Variants in ZNF621 observed in about 807,000 individuals in gnomAD.
ZNF621 encodes zinc finger protein 621.
A neutral mutation model predicts 12.7 loss-of-function variants in ZNF621; 6 were observed. That is an observed-to-expected ratio of 0.47 (90% CI 0.26 to 0.93). ZNF621 has a LOEUF of 0.93. Among genes scored for constraint, ZNF621 ranks in the 40% least tolerant of loss-of-function variants. The pLI, the probability that ZNF621 is intolerant of heterozygous loss-of-function variation, is 0.15. For synonymous variants in ZNF621, 156 were observed against 190.3 expected (o/e 0.82, Z 1.48); for missense variants, 474 against 524.0 (o/e 0.90, Z 0.93).
chr3:40,533,064 C>T lies in ZNF621; in HGVS notation c.1294C>T (p.Leu432Phe), dbSNP rs547500856. ...CACTGTGAAACCTTCCCCAGTTATT[C>T]TCACCCCTTCTTCTCACTCCTCATG... is the stretch of plus-strand genomic sequence containing the variant. ...TPTVKPSPVI[L>F]TPSSHSS The change falls in exon 5 of 5, where the codon CTC (leucine) becomes TTC (phenylalanine). Residue 432 changes from leucine (L) to phenylalanine (F), a missense_variant. Leu to Phe is a conservative substitution (Grantham distance 22, BLOSUM62 0). Transcript: ENST00000339296. 2 of 1,551,682 alleles carry T rather than the reference C, an allele frequency of 1.3e-6. No individual in the cohort carries two copies. Among genetic ancestry groups the T allele is most frequent in the East Asian group, 2.4e-5 (1 of 40,922 alleles).
chr3:40,533,081 C>T lies in ZNF621; in HGVS notation c.1311C>T (p.His437=). The change falls in exon 5 of 5, where the codon CAC becomes CAT. Residue 437 remains histidine, a synonymous_variant. Transcript: ENST00000339296. ...CAGTTATTCTCACCCCTTCTTCTCA[C>T]TCCTCATGAGCTTTATCTTGGCAGT... ...PSPVILTPSS[H]SS 1 of 1,551,494 alleles carries T rather than the reference C, an allele frequency of 6.4e-7. No homozygotes were observed. The highest frequency in any genetic ancestry group is 2.0e-5 in the Admixed American group (1 of 51,000).
At chr3:40,525,598 C>T (rs1166932905) in intron 1 of ZNF621, 181 bp from the exon 2 acceptor site, 1 of 627,124 alleles carries the variant, frequency 1.6e-6, no homozygotes. Flanking sequence ...GAAGATTGTC[C>T]TGAAGACTAG....
rs1379005070 is a variant in ZNF621, at chr3:40,539,059, A to G, written c.*5969A>G. On this transcript the variant is annotated 3_prime_UTR_variant, in exon 5 of 5. Coordinates refer to ENST00000339296, the MANE Select transcript of ZNF621 (RefSeq NM_198484.5). ...ACAAAAGTGGTTTCTTGAGATGGAA[A>G]CTACTCCTGGTGAAGATCCTGTGAC... is the stretch of plus-strand genomic sequence containing the variant. 6.5e-6 allele frequency: 1 copy of G among 154,922 alleles called. No individual in the cohort carries two copies. The highest frequency in any genetic ancestry group is 2.4e-5 in the African/African-American group (1 of 41,510). 9.6% of individuals were successfully genotyped at this position (154,922 alleles called of 1,614,324 possible). A position where few individuals can be genotyped will look rare whatever the true frequency, so the allele number is the denominator to read the frequency against.
upstream of ZNF621, among the ~76,000 whole-genome samples, chr3:40,524,121 C>T (rs1217597960): frequency 6.6e-6 from 1 of 152,134 alleles, no homozygotes; most frequent in East Asian, 1.9e-4. Context: ...TTTTAATTAG[C>T]AGCCTCCCCT....
chr3:40,529,416 T>C lies in ZNF621; in HGVS notation c.122T>C (p.Leu41Pro), dbSNP rs1268581969. 2 of 1,613,446 alleles carry C rather than the reference T, an allele frequency of 1.2e-6. No individual in the cohort carries two copies. The highest frequency in any genetic ancestry group is 1.3e-5 in the African/African-American group (1 of 74,910). Residue 41 changes from leucine to proline, a missense_variant, in exon 3 of 5, where the codon CTG (leucine) becomes CCG (proline). Transcript: ENST00000339296. ...AQRALYGEVM[L>P]ENYANVASLV... is the part of the protein sequence containing the mutation. ...AGGGCCCTGTACGGGGAGGTGATGC[T>C]GGAGAATTATGCAAATGTGGCTTCT...
At chr3:40,523,511 TC>T (rs1401489939), upstream of ZNF621, among the ~76,000 whole-genome samples, 1 of 152,022 alleles carries the variant, frequency 6.6e-6, no homozygotes, top group Non-Finnish European at 1.5e-5. Flanking sequence ...ACGCCTGTAA[TC>T]CCCAGCACTT....
chr3:40,525,608 G>A, intron 1 of ZNF621, 171 bp from the exon 2 acceptor site: 1 of 641,766 alleles, frequency 1.6e-6, no homozygotes, highest in Admixed American at 2.6e-5. Context: ...CTGAAGACTA[G>A]GCAGAACAAT....
At chr3:40,528,929 A>G (rs570212394) in intron 2 of ZNF621, among the ~76,000 whole-genome samples, 25 of 152,204 alleles carry the variant, frequency 1.6e-4, no homozygotes, top group Non-Finnish European at 3.4e-4. Flanking sequence ...AGACTTTAGC[A>G]TGTCTTCTCA....
At chr3:40,527,635 A>G (rs1466708338) in intron 2 of ZNF621, among the ~76,000 whole-genome samples, 1 of 152,236 alleles carries the variant, frequency 6.6e-6, no homozygotes, top group Admixed American at 6.5e-5. Context: ...TGGAAGGTAC[A>G]GAGATTTCCC....
upstream of ZNF621, among the ~76,000 whole-genome samples, chr3:40,523,386 C>T (rs1698499915): frequency 6.6e-6 from 1 of 152,112 alleles, no homozygotes; most frequent in African/African-American, 2.4e-5. Context: ...AGACCAATTC[C>T]CCTTTATAGC....
Position 40,529,414 on chromosome 3 carries a change from G to C in ZNF621, c.120G>C (p.Met40Ile), listed in dbSNP as rs766707475. 6.2e-6 allele frequency: 10 copies of C among 1,613,480 alleles called. No individual in the cohort carries two copies. The South Asian group carries it at 1.1e-4, about 18-fold the overall frequency. Residue 40 changes from methionine (M) to isoleucine (I), a missense_variant, in exon 3 of 5, where the codon ATG (methionine) becomes ATC (isoleucine). Met to Ile is a conservative substitution (Grantham distance 10). Coordinates refer to ENST00000339296, the MANE Select transcript of ZNF621 (RefSeq NM_198484.5). ...AGAGGGCCCTGTACGGGGAGGTGAT[G>C]CTGGAGAATTATGCAAATGTGGCTT... is the stretch of plus-strand genomic sequence containing the variant. ...PAQRALYGEV[M>I]LENYANVASL... is the part of the protein sequence containing the mutation.
At chr3:40,529,680 TG>T in intron 3 of ZNF621, 1 of 1,168,446 alleles carries the variant, frequency 8.6e-7, no homozygotes, top group Non-Finnish European at 1.2e-6. Context: ...TGGAGGGCAG[TG>T]GCATAGCCAT....
In ZNF621 at chr3:40,532,524, C is replaced by T. The variant is rs2125676910; in HGVS notation, c.754C>T (p.Gln252Ter). The change falls in exon 5 of 5, where the codon CAG becomes TAG. Residue 252 changes from glutamine (Q) to a stop codon, truncating the protein, a stop_gained. Transcript: ENST00000339296. LOFTEE classifies it low-confidence loss of function (END_TRUNC). ...KAFRRSAAYLQHQRLHTGEKL... is the reference protein window; with the variant it reads ...KAFRRSAAYL ...TTTCCGTAGGAGTGCGGCATACCTG[C>T]AGCATCAGAGATTACACACGGGAGA... is the stretch of plus-strand genomic sequence containing the variant. 2 of 1,614,144 alleles carry T rather than the reference C, an allele frequency of 1.2e-6. No individual in the cohort carries two copies. The highest frequency in any genetic ancestry group is 2.2e-5 in the East Asian group (1 of 44,882).
chr3:40,530,922 G>A (rs1193635852), intron 4 of ZNF621, among the ~76,000 whole-genome samples: 2 of 152,156 alleles, frequency 1.3e-5, no homozygotes, highest in Admixed American at 6.5e-5. Flanking sequence ...ACGCACATGT[G>A]CACACACACA....
At chr3:40,531,393 C>G (rs966356445) in intron 4 of ZNF621, among the ~76,000 whole-genome samples, 4 of 152,062 alleles carry the variant, frequency 2.6e-5, no homozygotes, top group Non-Finnish European at 4.4e-5. Context: ...TTCTTATTCT[C>G]TCCTTCTTTT....
Position 40,532,324 on chromosome 3 carries a change from G to A in ZNF621, c.554G>A (p.Gly185Asp), listed in dbSNP as rs774841452. Reference sequence around the variant, plus strand: ...AAGCCCTTTAAGTGTAAGGAGTGTGGCAAAGCTTTCAAGTCCAGCTATGAT... The same window carrying A: ...AAGCCCTTTAAGTGTAAGGAGTGTGACAAAGCTTTCAAGTCCAGCTATGAT... ...GEKPFKCKEC[G>D]KAFKSSYDCI... Residue 185 changes from glycine to aspartate, a missense_variant, in exon 5 of 5, where the codon GGC (glycine) becomes GAC (aspartate). By Grantham distance (94) the Gly-to-Asp change is moderately conservative. Coordinates refer to ENST00000339296, the MANE Select transcript of ZNF621 (RefSeq NM_198484.5). 18 of 1,611,990 alleles carry A rather than the reference G, an allele frequency of 1.1e-5. No homozygotes were observed. The East Asian group carries it at 3.6e-4, about 32-fold the overall frequency.
upstream of ZNF621, among the ~76,000 whole-genome samples, chr3:40,524,426 T>C (rs1253250787): frequency 6.6e-6 from 1 of 151,906 alleles, no homozygotes; most frequent in Non-Finnish European, 1.5e-5. Context: ...TAGCCACGGG[T>C]GTTTTGGTTG....
chr3:40,531,580 T>A (rs1698726985), intron 4 of ZNF621, among the ~76,000 whole-genome samples: 1 of 152,194 alleles, frequency 6.6e-6, no homozygotes, highest in African/African-American at 2.4e-5. Flanking sequence ...TCTATTTTTT[T>A]AAGACAGGGT....
chr3:40,531,915 T>C, intron 4 of ZNF621, 115 bp from the exon 5 acceptor site: 5 of 986,306 alleles, frequency 5.1e-6, no homozygotes, highest in Non-Finnish European at 7.5e-6. Flanking sequence ...TGCTTGTATA[T>C]AACCATTTCA....
Sources: allele counts gnomAD v4.1 joint callset (sites outside exome capture counted in the v4.1 genomes callset), GRCh38; gene constraint gnomAD v4.1.1; transcripts MANE v1.5; gene names NCBI Gene and HGNC (gene_info 2026-07-23, HGNC 2026-07-21).